Variants in SLC24A3 observed in about 807,000 individuals in gnomAD.
SLC24A3 encodes solute carrier family 24 member 3, also known as sodium/potassium/calcium exchanger 3.
SLC24A3 carries 28 observed loss-of-function variants against 75.8 expected under a neutral mutation model. The observed-to-expected ratio is 0.37, with a 90% CI of 0.27 to 0.51. The LOEUF (loss-of-function observed/expected upper bound fraction) is 0.51. Among genes scored for constraint, SLC24A3 ranks in the 20% least tolerant of loss-of-function variants. The probability of loss-of-function intolerance (pLI) is 0.94; values close to 1 mark genes in which losing one functional copy is unlikely to be tolerated. For missense variants in SLC24A3, 663 were observed against 847.8 expected (o/e 0.78, Z 2.71); for synonymous variants, 372 against 334.1 (o/e 1.11, Z -1.24).
intron 1 of SLC24A3, among the ~76,000 whole-genome samples, chr20:19,266,821 G>A (rs1187900811): frequency 6.6e-6 from 1 of 152,138 alleles, no homozygotes; most frequent in African/African-American, 2.4e-5. Context: ...TGATCCTTAG[G>A]AAAGTATATT....
intron 3 of SLC24A3, among the ~76,000 whole-genome samples, chr20:19,536,564 C>T (rs1429679256): frequency 6.6e-6 from 1 of 152,184 alleles, no homozygotes; most frequent in African/African-American, 2.4e-5. Flanking sequence ...GTCCGCATTG[C>T]CAAGTCAATC....
intron 2 of SLC24A3, among the ~76,000 whole-genome samples, chr20:19,423,203 G>A (rs183540392): frequency 7.5e-4 from 114 of 152,282 alleles, no homozygotes; most frequent in African/African-American, 1.4e-3. Flanking sequence ...GGGAATGTTC[G>A]ATTTTCTCAG....
At chr20:19,565,437 T>G (rs1267639432) in intron 3 of SLC24A3, among the ~76,000 whole-genome samples, 2 of 151,948 alleles carry the variant, frequency 1.3e-5, no homozygotes, top group Non-Finnish European at 2.9e-5. Context: ...AATGATTGAT[T>G]GGTATAGTAG....
At chr20:19,666,505 C>T (rs1200815424) in intron 8 of SLC24A3, among the ~76,000 whole-genome samples, 1 of 151,784 alleles carries the variant, frequency 6.6e-6, no homozygotes, top group Non-Finnish European at 1.5e-5. Flanking sequence ...GACTCCATCC[C>T]CCACCCCCCA....
At chr20:19,387,939 T>C (rs1392023224) in intron 2 of SLC24A3, among the ~76,000 whole-genome samples, 1 of 152,160 alleles carries the variant, frequency 6.6e-6, no homozygotes, top group African/African-American at 2.4e-5. Flanking sequence ...ACTATTATTG[T>C]TTTTAATTTT....
At chr20:19,699,647 A>G (rs2032849440) in intron 15 of SLC24A3, among the ~76,000 whole-genome samples, 2 of 152,346 alleles carry the variant, frequency 1.3e-5, no homozygotes, top group South Asian at 4.1e-4. Context: ...GCTAAGGTTT[A>G]TTATAGCACA....
At chr20:19,380,142 A>G (rs988469233) in intron 2 of SLC24A3, among the ~76,000 whole-genome samples, 3 of 152,202 alleles carry the variant, frequency 2.0e-5, no homozygotes, top group Non-Finnish European at 4.4e-5. Flanking sequence ...ATATGATGAG[A>G]TGGCACAACA....
chr20:19,510,985 G>A (rs1988527034), intron 2 of SLC24A3, among the ~76,000 whole-genome samples: 1 of 152,212 alleles, frequency 6.6e-6, no homozygotes, highest in South Asian at 2.1e-4. Flanking sequence ...CTGAGCAGAA[G>A]TGTTGAAGGG....
intron 1 of SLC24A3, among the ~76,000 whole-genome samples, chr20:19,262,331 G>C (rs949719081): frequency 6.6e-6 from 1 of 150,586 alleles, no homozygotes; most frequent in Non-Finnish European, 1.5e-5. Flanking sequence ...CGTGAACCCG[G>C]GAGGCGGAGC....
Position 19,529,238 on chromosome 20 carries a change from CA to C in SLC24A3, c.348+13675del, listed in dbSNP as rs377163200. On this transcript the variant is annotated intron_variant, in intron 3 of 16. Coordinates refer to ENST00000328041, the MANE Select transcript of SLC24A3 (RefSeq NM_020689.4). ...ATAAATATGTGTCTCCGTGGCAACC[CA>C]TACAACACTTTTTGGGTTTACATAG... Among the ~76,000 whole-genome samples, 63 of 152,168 alleles carry C rather than the reference CA, an allele frequency of 4.1e-4. 1 individual carries two copies. In the East Asian group the frequency reaches 8.9e-3, roughly 21 times the overall value.
chr20:19,389,559 C>G (rs1986332135), intron 2 of SLC24A3, among the ~76,000 whole-genome samples: 1 of 151,586 alleles, frequency 6.6e-6, no homozygotes, highest in African/African-American at 2.4e-5. Flanking sequence ...TGTACTCTTT[C>G]CTGACCTCCA....
intron 1 of SLC24A3, among the ~76,000 whole-genome samples, chr20:19,219,004 T>G (rs934013560): frequency 2.6e-5 from 4 of 152,158 alleles, no homozygotes; most frequent in Non-Finnish European, 5.9e-5. Context: ...CATTTTTGCC[T>G]TCTTTTTCTA....
chr20:19,696,877 T>C lies in SLC24A3; in HGVS notation c.1572T>C (p.Pro524=), dbSNP rs369000283. 6.2e-6 allele frequency: 10 copies of C among 1,612,168 alleles called. No individual in the cohort carries two copies. In the African/African-American group the frequency reaches 1.2e-4, roughly 19 times the overall value. The part of the protein sequence containing the change: ...ITFLAAGTSV[P]DCMASLIVAR... ...TCCTGGCTGCTGGGACCAGCGTGCC[T>C]GACTGCATGGCCAGCCTCATTGTGG... Residue 524 remains proline, a synonymous_variant, in exon 14 of 17, where the codon CCT becomes CCC. Coordinates refer to ENST00000328041, the MANE Select transcript of SLC24A3 (RefSeq NM_020689.4).
intron 1 of SLC24A3, among the ~76,000 whole-genome samples, chr20:19,263,229 C>CT (rs1983053111): frequency 6.6e-6 from 1 of 152,138 alleles, no homozygotes; most frequent in Admixed American, 6.5e-5. Flanking sequence ...AGGGAACAGT[C>CT]TCATGTGGCT....
intron 3 of SLC24A3, among the ~76,000 whole-genome samples, chr20:19,555,043 A>G (rs1316191201): frequency 2.0e-5 from 3 of 152,224 alleles, no homozygotes; most frequent in African/African-American, 7.2e-5. Context: ...GTAAAGAAGT[A>G]TTATTTTCTA....
chr20:19,501,542 G>T (rs890761391), intron 2 of SLC24A3, among the ~76,000 whole-genome samples: 2 of 152,180 alleles, frequency 1.3e-5, no homozygotes, highest in Non-Finnish European at 2.9e-5. Flanking sequence ...AGATCCCACA[G>T]ATTCTAAAGG....
intron 1 of SLC24A3, among the ~76,000 whole-genome samples, chr20:19,237,689 C>T (rs547894868): frequency 6.6e-6 from 1 of 152,298 alleles, no homozygotes; most frequent in Admixed American, 6.5e-5. Flanking sequence ...GAGCATTGAC[C>T]TGTGGCTGAA....
At chr20:19,369,530 GATAATGA>G (rs1444249650) in intron 2 of SLC24A3, among the ~76,000 whole-genome samples, 1 of 152,182 alleles carries the variant, frequency 6.6e-6, no homozygotes, top group Admixed American at 6.5e-5. Flanking sequence ...AGACATTAAT[GATAATGA>G]ATAATATGAA....
chr20:19,304,949 T>TAAA (rs1217633564), intron 2 of SLC24A3, among the ~76,000 whole-genome samples: 2 of 152,186 alleles, frequency 1.3e-5, no homozygotes, highest in Non-Finnish European at 2.9e-5. Flanking sequence ...TTTCTTTCCT[T>TAAA]TTTGAATGCA....
Sources: allele counts gnomAD v4.1 joint callset (sites outside exome capture counted in the v4.1 genomes callset), GRCh38; gene constraint gnomAD v4.1.1; transcripts MANE v1.5; gene names NCBI Gene and HGNC (gene_info 2026-07-23, HGNC 2026-07-21).